Variants in MBTPS2 observed in about 807,000 individuals in gnomAD.
The protein encoded by MBTPS2 is membrane-bound transcription factor site-2 protease.
MBTPS2 carries 2 observed loss-of-function variants against 35.4 expected under a neutral mutation model. That is an observed-to-expected ratio of 0.06 (90% CI 0.02 to 0.18). MBTPS2 has a LOEUF of 0.18. MBTPS2 is among the 10% of genes least tolerant of loss of function. The pLI is 1.00. For synonymous variants in MBTPS2, 125 were observed against 140.4 expected, an observed-to-expected ratio of 0.89 and a Z score of 0.77; for missense variants, 244 against 386.5, an observed-to-expected ratio of 0.63 and a Z score of 3.09.
intron 3 of MBTPS2, among the ~76,000 whole-genome samples, chrX:21,849,082 T>C (rs1372610189): frequency 1.8e-5 from 2 of 111,492 alleles, no homozygotes; most frequent in Non-Finnish European, 3.8e-5. Flanking sequence ...GGTACGGAGA[T>C]TTCCCCCCTT....
chrX:21,869,178 G>A (rs750885832), intron 6 of MBTPS2, among the ~76,000 whole-genome samples: 11 of 112,202 alleles, frequency 9.8e-5, no homozygotes, highest in Admixed American at 3.8e-4. Context: ...TATAGGAAAG[G>A]CAAGACAGTC....
intron 5 of MBTPS2, chrX:21,857,229 G>C: frequency 1.7e-6 from 2 of 1,211,933 alleles, no homozygotes; most frequent in Non-Finnish European, 2.2e-6. Context: ...GTCCAAAGGA[G>C]AACCTCCCAA....
intron 7 of MBTPS2, chrX:21,870,628 G>A (rs1280756015): frequency 8.9e-6 from 1 of 112,155 alleles, no homozygotes; most frequent in African/African-American, 3.2e-5. Flanking sequence ...AGTGGAATCA[G>A]TGTTGGCATG....
chrX:21,841,413 C>A (rs73635551), intron 1 of MBTPS2, among the ~76,000 whole-genome samples: 2,213 of 111,323 alleles, frequency 0.02, 63 homozygotes, highest in African/African-American at 0.069. Flanking sequence ...CAGAGCAAGA[C>A]CCTGTCTCAA....
At chrX:21,869,282 A>G (rs192717773) in intron 6 of MBTPS2, among the ~76,000 whole-genome samples, 3 of 112,403 alleles carry the variant, frequency 2.7e-5, no homozygotes, top group South Asian at 3.7e-4. Flanking sequence ...CTTTTTTTCA[A>G]TTGTGAAAAA....
chrX:21,882,044 C>A (rs770201840), intron 10 of MBTPS2, among the ~76,000 whole-genome samples: 1 of 112,260 alleles, frequency 8.9e-6, no homozygotes, highest in East Asian at 2.8e-4. Flanking sequence ...GCTTCAAGGA[C>A]CAAAGTCTTT....
intron 4 of MBTPS2, among the ~76,000 whole-genome samples, chrX:21,851,832 G>C (rs1040878441): frequency 8.1e-5 from 9 of 111,700 alleles, no homozygotes; most frequent in African/African-American, 2.6e-4. Flanking sequence ...GGGCATATCT[G>C]TAATCAGGGT....
In MBTPS2 at chrX:21,845,294, CTCT is replaced by C; in HGVS notation, c.354_356del (p.Ser136del). On this transcript the variant is annotated inframe_deletion, in exon 3 of 11. Transcript: ENST00000379484. ...ACTCTCCCTCTTCTTATTCTTCCTC[CTCT>C]TCTTCCTCTTCCTCCTCTTCTTCCT... 2.5e-6 allele frequency: 3 copies of C among 1,194,819 alleles called. No homozygotes were observed. The highest frequency in any genetic ancestry group is 3.0e-5 in the East Asian group (1 of 33,715).
At chrX:21,877,002 C>T (rs779992444) in intron 7 of MBTPS2, among the ~76,000 whole-genome samples, 6 of 111,294 alleles carry the variant, frequency 5.4e-5, no homozygotes, top group Non-Finnish European at 1.1e-4. Context: ...TCCTTGCCAC[C>T]CATAAATTTA....
chrX:21,885,107 A>G lies in MBTPS2; in HGVS notation c.*2452A>G, dbSNP rs2092963317. The G allele has an allele frequency of 2.7e-6, 2 of 748,575 alleles. No individual in the cohort carries two copies. The highest frequency in any genetic ancestry group is 3.1e-6 in the Non-Finnish European group (2 of 635,253). The allele number at this position is 748,575 out of a possible 1,213,427, so 61.7% of individuals were successfully genotyped here. A position where few individuals can be genotyped will look rare whatever the true frequency, so the allele number is the denominator to read the frequency against. On this transcript the variant is annotated 3_prime_UTR_variant, in exon 11 of 11. Coordinates refer to ENST00000379484, the MANE Select transcript of MBTPS2 (RefSeq NM_015884.4). ...ATCACCTACAATCTGTAAAGAATGT[A>G]TATATTCTTTTCAGCATCTCAGTTT...
intron 5 of MBTPS2, among the ~76,000 whole-genome samples, chrX:21,861,030 A>G (rs1256024733): frequency 8.9e-6 from 1 of 112,009 alleles, no homozygotes; most frequent in Non-Finnish European, 1.9e-5. Flanking sequence ...ACCTGTTACA[A>G]AGGACCAAAT....
intron 5 of MBTPS2, among the ~76,000 whole-genome samples, chrX:21,864,053 T>C (rs2092936590): frequency 8.9e-6 from 1 of 112,082 alleles, no homozygotes; most frequent in African/African-American, 3.2e-5. Flanking sequence ...TTCCTCAAAG[T>C]TTAGGGATGT....
intron 5 of MBTPS2, among the ~76,000 whole-genome samples, chrX:21,865,927 A>G (rs2092939133): frequency 9.0e-6 from 1 of 110,868 alleles, no homozygotes; most frequent in Non-Finnish European, 1.9e-5. Context: ...ACAACTATAG[A>G]TTTTCTTCTC....
At chrX:21,856,115 C>T (rs2092920789) in intron 5 of MBTPS2, 1 of 200,311 alleles carries the variant, frequency 5.0e-6, no homozygotes, top group Non-Finnish European at 9.2e-6. Flanking sequence ...AAAGAGCCTG[C>T]TTACGAAAGT....
At chrX:21,870,968 G>C (rs749031240) in intron 7 of MBTPS2, 1 of 112,135 alleles carries the variant, frequency 8.9e-6, no homozygotes, top group Non-Finnish European at 1.9e-5. Context: ...TATTGGTGTA[G>C]GGAAATATGA....
intron 5 of MBTPS2, among the ~76,000 whole-genome samples, 187 bp downstream of exon 5, chrX:21,853,690 C>T (rs2092917245): frequency 9.0e-6 from 1 of 111,004 alleles, no homozygotes; most frequent in African/African-American, 3.3e-5. Flanking sequence ...TCCTTAAAAC[C>T]AACTAAAAAC....
intron 10 of MBTPS2, 94 bp from the exon 11 acceptor site, chrX:21,882,339 C>G: frequency 1.5e-6 from 1 of 658,091 alleles, no homozygotes; most frequent in Non-Finnish European, 2.5e-6. Context: ...AGTGTAATCT[C>G]TAATTCAGTC....
At chrX:21,849,404 C>T (rs1191236166) in intron 3 of MBTPS2, among the ~76,000 whole-genome samples, 2 of 111,544 alleles carry the variant, frequency 1.8e-5, no homozygotes, top group Non-Finnish European at 3.8e-5. Context: ...GTCAAAAGTA[C>T]GGGGAAAGTT....
chrX:21,841,776 A>G (rs1381121448), intron 1 of MBTPS2: 1 of 112,459 alleles, frequency 8.9e-6, no homozygotes, highest in Non-Finnish European at 1.9e-5. Flanking sequence ...AGAATGCACC[A>G]ACCTCTGAGC....
Sources: gnomAD v4.1 joint callset for allele counts (sites outside exome capture counted in the v4.1 genomes callset) on GRCh38, gnomAD v4.1.1 for gene constraint, MANE v1.5 for transcripts, NCBI Gene and HGNC (gene_info 2026-07-23, HGNC 2026-07-21) for gene names.